Variants in TMCO4 observed in about 807,000 individuals in gnomAD.
TMCO4 encodes transmembrane and coiled-coil domains 4.
Under a neutral mutation model 64.7 loss-of-function variants are expected in TMCO4, and 58 were observed. The observed-to-expected ratio is 0.90, with a 90% CI of 0.73 to 1.12. The LOEUF (loss-of-function observed/expected upper bound fraction) is 1.12. Among genes scored for constraint, TMCO4 ranks in the 50% most tolerant of loss-of-function variants. TMCO4 has a pLI of 0.00. For synonymous variants in TMCO4, 325 were observed against 346.1 expected, an observed-to-expected ratio of 0.94 and a Z score of 0.68; for missense variants, 780 against 825.9, an observed-to-expected ratio of 0.94 and a Z score of 0.68.
In TMCO4 at chr1:19,694,559, A is replaced by G. The variant is rs1008796353; in HGVS notation, c.1383-8T>C. ...CTCAGCAGCCAGTCTCCCCTGTGGG[A>G]GGGTAGAGAAGCATGTGAACATTAG... On this transcript the variant is annotated splice_polypyrimidine_tract_variant and splice_region_variant and intron_variant, in intron 14 of 15. Transcript: ENST00000294543. The G allele has an allele frequency of 6.8e-6, 11 of 1,612,718 alleles. No homozygotes were observed. Among genetic ancestry groups the G allele is most frequent in the East Asian group, 4.5e-5 (2 of 44,820 alleles).
intron 13 of TMCO4, among the ~76,000 whole-genome samples, chr1:19,720,005 AT>A (rs56755114): frequency 0.016 from 1,853 of 116,918 alleles, 20 homozygotes; most frequent in South Asian, 0.065. Context: ...AAGGAAAATA[AT>A]TTTTTTTTTT....
At chr1:19,709,288 G>A (rs1036719325) in intron 13 of TMCO4, among the ~76,000 whole-genome samples, 1 of 57,038 alleles carries the variant, frequency 1.8e-5, no homozygotes, top group Admixed American at 1.8e-4. Context: ...CATCCCGGCG[G>A]GGGGGGGGGA....
chr1:19,787,049 G>C lies in TMCO4; in HGVS notation c.-32C>G, dbSNP rs748706686. On this transcript the variant is annotated 5_prime_UTR_variant, in exon 3 of 16. Coordinates refer to ENST00000294543, the MANE Select transcript of TMCO4 (RefSeq NM_181719.7). ...ACCCAGATTTCAAGAAACAGCCGTGGGCCTCTCTCTGTCTGAAGACAGGCT... is the reference window on the plus strand; with the variant it reads ...ACCCAGATTTCAAGAAACAGCCGTGCGCCTCTCTCTGTCTGAAGACAGGCT... The C allele has an allele frequency of 1.3e-5, 2 of 152,298 alleles. No individual in the cohort carries two copies. The highest frequency in any genetic ancestry group is 4.8e-5 in the African/African-American group (2 of 41,458). The allele number at this position is 152,298 out of a possible 1,614,324, so 9.4% of individuals were successfully genotyped here. A position where few individuals can be genotyped will look rare whatever the true frequency, so the allele number is the denominator to read the frequency against.
intron 10 of TMCO4, among the ~76,000 whole-genome samples, chr1:19,744,529 T>C (rs1010294681): frequency 2.6e-5 from 4 of 152,152 alleles, no homozygotes; most frequent in African/African-American, 9.7e-5. Context: ...CTGAAAGTCC[T>C]TTGCTCTCTT....
At chr1:19,708,435 CA>C (rs1030119704) in intron 13 of TMCO4, among the ~76,000 whole-genome samples, 23 of 151,164 alleles carry the variant, frequency 1.5e-4, no homozygotes, top group African/African-American at 4.9e-4. Flanking sequence ...TGAGAATGGA[CA>C]GCGTCATCAC....
intron 13 of TMCO4, among the ~76,000 whole-genome samples, chr1:19,726,985 T>C (rs1467827674): frequency 6.6e-6 from 1 of 152,128 alleles, no homozygotes; most frequent in Non-Finnish European, 1.5e-5. Flanking sequence ...GCTCTGAGAA[T>C]CTCAATAACA....
At chr1:19,700,306 C>T (rs989600788) in intron 14 of TMCO4, among the ~76,000 whole-genome samples, 2 of 152,132 alleles carry the variant, frequency 1.3e-5, no homozygotes, top group Non-Finnish European at 2.9e-5. Flanking sequence ...TAGCACCCTG[C>T]CCTGTCTCCA....
chr1:19,683,102 T>C lies in TMCO4; in HGVS notation c.1843A>G (p.Asn615Asp), dbSNP rs144502840. The part of the protein sequence containing the change: ...PPICSHGMDP[N>D]PLGCPDCACK... ...GCACAATCGGGGCAGCCCAGTGGGTTGGGGTCCATGCCATGGCTGCAGATG... is the reference window on the plus strand; with the variant it reads ...GCACAATCGGGGCAGCCCAGTGGGTCGGGGTCCATGCCATGGCTGCAGATG... Residue 615 changes from asparagine (N) to aspartate (D), a missense_variant, in exon 16 of 16, where the codon AAC (asparagine) becomes GAC (aspartate). Asn to Asp is a conservative substitution (Grantham distance 23, BLOSUM62 1). Transcript: ENST00000294543. 4.2e-5 allele frequency: 68 copies of C among 1,612,032 alleles called. No homozygotes were observed. In the African/African-American group the frequency reaches 8.3e-4, roughly 20 times the overall value.
chr1:19,734,717 C>T lies in TMCO4; in HGVS notation c.1264+2655G>A, dbSNP rs1484483475. The stretch of plus-strand genomic sequence containing the variant: ...CCCTCTGGAATGCCCTGCCCTAGTC[C>T]AGCTGCCGTCTGCCAAATACAGCAT... On this transcript the variant is annotated intron_variant, in intron 13 of 15. Transcript: ENST00000294543. The surrounding 1 kb of genome is among the most constrained non-coding windows in gnomAD (Gnocchi z 4.4). 1.3e-5 allele frequency among the ~76,000 whole-genome samples: 2 copies of T among 152,158 alleles called. No homozygotes were observed. The highest frequency in any genetic ancestry group is 4.8e-5 in the African/African-American group (2 of 41,430).
chr1:19,711,340 G>A (rs2095329956), intron 13 of TMCO4, among the ~76,000 whole-genome samples: 1 of 152,176 alleles, frequency 6.6e-6, no homozygotes, highest in Non-Finnish European at 1.5e-5. Flanking sequence ...TTCACAATTT[G>A]GCTGTTTGAT....
At chr1:19,735,809 C>T (rs1441016995) in intron 13 of TMCO4, among the ~76,000 whole-genome samples, 5 of 152,186 alleles carry the variant, frequency 3.3e-5, no homozygotes, top group Non-Finnish European at 5.9e-5. Flanking sequence ...GACTACATCT[C>T]TCTAGGTAAC....
chr1:19,728,727 GCA>G (rs2095418446), intron 13 of TMCO4, among the ~76,000 whole-genome samples: 1 of 152,204 alleles, frequency 6.6e-6, no homozygotes, highest in Non-Finnish European at 1.5e-5. Context: ...GGGTTCCCGG[GCA>G]CCATCCAACA....
chr1:19,738,412 C>T (rs2095465130), intron 12 of TMCO4: 1 of 152,244 alleles, frequency 6.6e-6, no homozygotes, highest in Non-Finnish European at 1.5e-5. Context: ...AGGGCTGAGA[C>T]TTAGCACAGG....
rs145058075 is a variant in TMCO4 at position 19,683,510 on chromosome 1, G to A, written c.1501-66C>T. ...AGCCCAGCCCTCCCCAGGGACCTCC[G>A]GCCAAACTTCTGGGCCTCAGCCTTG... On this transcript the variant is annotated intron_variant, in intron 15 of 15. Coordinates refer to ENST00000294543, the MANE Select transcript of TMCO4 (RefSeq NM_181719.7). 7.5e-3 allele frequency: 11,795 copies of A among 1,564,460 alleles called. 70 individuals carry two copies. Among genetic ancestry groups the A allele is most frequent in the Non-Finnish European group, 9.5e-3 (11,018 of 1,154,238 alleles).
intron 6 of TMCO4, among the ~76,000 whole-genome samples, chr1:19,768,521 T>C (rs1397303551): frequency 6.6e-6 from 1 of 152,054 alleles, no homozygotes; most frequent in Admixed American, 6.6e-5. Context: ...AGAGAGAAAA[T>C]GCCCCAAACT....
intron 3 of TMCO4, among the ~76,000 whole-genome samples, chr1:19,782,004 A>G (rs1167765015): frequency 6.6e-6 from 1 of 152,206 alleles, no homozygotes; most frequent in Middle Eastern, 3.2e-3. Context: ...CTATTTGGAA[A>G]ATGGTTTGAC....
At chr1:19,798,659 T>C (rs1175492366) in intron 1 of TMCO4, among the ~76,000 whole-genome samples, 1 of 152,222 alleles carries the variant, frequency 6.6e-6, no homozygotes, top group Non-Finnish European at 1.5e-5. Context: ...GCCACTCTAA[T>C]ACCGATCTCT....
intron 10 of TMCO4, among the ~76,000 whole-genome samples, chr1:19,742,972 C>G (rs1226769137): frequency 1.3e-5 from 2 of 152,086 alleles, no homozygotes; most frequent in African/African-American, 4.8e-5. Flanking sequence ...ATCGCTAGAA[C>G]CCGGGAGGCG....
intron 7 of TMCO4, among the ~76,000 whole-genome samples, chr1:19,749,020 A>C (rs1161514055): frequency 6.6e-6 from 1 of 152,210 alleles, no homozygotes; most frequent in African/African-American, 2.4e-5. Context: ...AGAAGCAGAA[A>C]GCAACAGTAA....
Sources: gnomAD v4.1 joint callset for allele counts (sites outside exome capture counted in the v4.1 genomes callset) on GRCh38, gnomAD v4.1.1 for gene constraint, Gnocchi (gnomAD v3.1) non-coding constraint, MANE v1.5 for transcripts, NCBI Gene and HGNC (gene_info 2026-07-23, HGNC 2026-07-21) for gene names.